Variants in ATRX observed in about 807,000 individuals in gnomAD.
The protein encoded by ATRX is ATRX chromatin remodeler.
ATRX carries 12 observed loss-of-function variants against 172.6 expected under a neutral mutation model. That is an observed-to-expected ratio of 0.07 (90% CI 0.04 to 0.11). The LOEUF is 0.11. ATRX is among the 10% of genes least tolerant of loss of function. ATRX has a pLI of 1.00. For missense variants in ATRX, 1,368 were observed against 1,767.4 expected (o/e 0.77, Z 4.05); for synonymous variants, 674 against 594.7 (o/e 1.13, Z -1.94).
intron 22 of ATRX, among the ~76,000 whole-genome samples, chrX:77,612,425 A>AG (rs1806488548): frequency 1.1e-5 from 1 of 94,073 alleles, no homozygotes; most frequent in African/African-American, 4.0e-5. Flanking sequence ...TTGGGGGGTG[A>AG]GGGGCAAGGG....
At chrX:77,546,786 G>A (rs2064259054) in intron 30 of ATRX, among the ~76,000 whole-genome samples, 1 of 111,905 alleles carries the variant, frequency 8.9e-6, no homozygotes, top group African/African-American at 3.2e-5. Context: ...GTCCGACTAG[G>A]AATCTGCATT....
chrX:77,780,371 G>A (rs782277764), intron 1 of ATRX, among the ~76,000 whole-genome samples: 23 of 110,372 alleles, frequency 2.1e-4, no homozygotes, highest in African/African-American at 6.2e-4. Context: ...TCACCCTGTC[G>A]CCCAGGCTGC....
intron 26 of ATRX, 126 bp from the exon 27 acceptor site, chrX:77,590,066 T>A: frequency 1.7e-6 from 1 of 586,387 alleles, no homozygotes; most frequent in Non-Finnish European, 2.8e-6. Flanking sequence ...TTGTAGAAAT[T>A]ACAAGGTGAT....
In ATRX at chrX:77,505,140, T is replaced by C. The variant is rs782657547; in HGVS notation, c.*3211A>G. 2 of 170,947 alleles carry C rather than the reference T, an allele frequency of 1.2e-5. No individual in the cohort carries two copies. Among genetic ancestry groups the C allele is most frequent in the Non-Finnish European group, 2.2e-5 (2 of 89,426 alleles). The allele number at this position is 170,947 out of a possible 1,213,427, so 14.1% of individuals were successfully genotyped here. Reference sequence around the variant, plus strand: ...TTAGTATAATAAACATGTAAAAGGATTGACCTGTTTTACTGGTAGAATAAG... The same window carrying C: ...TTAGTATAATAAACATGTAAAAGGACTGACCTGTTTTACTGGTAGAATAAG... On this transcript the variant is annotated 3_prime_UTR_variant, in exon 35 of 35. Coordinates refer to ENST00000373344, the MANE Select transcript of ATRX (RefSeq NM_000489.6).
At chrX:77,561,347 T>C (rs1475460649) in intron 28 of ATRX, among the ~76,000 whole-genome samples, 8 of 110,434 alleles carry the variant, frequency 7.2e-5, no homozygotes, top group African/African-American at 2.6e-4. Context: ...ACAACACACA[T>C]GAAACCTTAA....
intron 28 of ATRX, 123 bp downstream of exon 28, chrX:77,574,127 G>C: frequency 2.1e-6 from 1 of 477,090 alleles, no homozygotes; most frequent in Non-Finnish European, 3.6e-6. Flanking sequence ...ACACTGTTTT[G>C]CAACCTGACT....
intron 5 of ATRX, 87 bp downstream of exon 5, chrX:77,696,490 T>G (rs1381405665): frequency 3.1e-5 from 31 of 1,010,606 alleles, no homozygotes; most frequent in Non-Finnish European, 4.3e-5. Flanking sequence ...TTGTACATAG[T>G]TAACAGTAAT....
At chrX:77,637,934 C>A (rs1402988377) in intron 15 of ATRX, among the ~76,000 whole-genome samples, 7 of 45,753 alleles carry the variant, frequency 1.5e-4, no homozygotes, top group South Asian at 1.6e-3. Context: ...AGCAAAGCTC[C>A]ATCTCAAAAA....
chrX:77,591,796 T>C (rs193153857), intron 26 of ATRX, among the ~76,000 whole-genome samples: 17 of 112,167 alleles, frequency 1.5e-4, no homozygotes, highest in Admixed American at 1.5e-3. Flanking sequence ...TCTTGAAAGT[T>C]CCCGTAAGTG....
intron 1 of ATRX, among the ~76,000 whole-genome samples, chrX:77,738,194 C>T (rs1557180078): frequency 9.3e-6 from 1 of 107,747 alleles, no homozygotes; most frequent in African/African-American, 3.4e-5. Context: ...AATTAGCCGG[C>T]TGTGGTGGCA....
rs201853848 is a variant in ATRX at position 77,734,208 on chromosome X, AATACATACATAC to A, written c.21-16977_21-16966del. Among the ~76,000 whole-genome samples, 836 of 92,018 alleles carry A rather than the reference AATACATACATAC, an allele frequency of 9.1e-3. 11 individuals carry two copies. Among genetic ancestry groups the A allele is most frequent in the African/African-American group, 0.029 (748 of 25,818 alleles). The allele number at this position is 92,018 out of a possible 115,157, so 79.9% of individuals were successfully genotyped here. On this transcript the variant is annotated intron_variant, in intron 1 of 34. Transcript: ENST00000373344. ...GACAAAAGAGCAAGATTCTGTCTCA[AATACATACATAC>A]ATACATACATACATACATACATACA...
At chrX:77,766,805 T>C (rs1557196221) in intron 1 of ATRX, among the ~76,000 whole-genome samples, 2 of 105,832 alleles carry the variant, frequency 1.9e-5, no homozygotes, top group Admixed American at 9.9e-5. Flanking sequence ...CGCTCCTCAC[T>C]TCCCAGACGG....
At chrX:77,625,771 C>T (rs1271397092) in intron 19 of ATRX, among the ~76,000 whole-genome samples, 2 of 109,654 alleles carry the variant, frequency 1.8e-5, no homozygotes, top group African/African-American at 6.6e-5. Context: ...AATCAGGGAA[C>T]ACTTCTACAC....
rs61758732 is a variant in ATRX, at chrX:77,681,715, C to G, written c.3541G>C (p.Val1181Leu). The G allele has an allele frequency of 1.3e-3, 1,554 of 1,205,564 alleles. 3 individuals carry two copies. Among genetic ancestry groups the G allele is most frequent in the Non-Finnish European group, 1.1e-3 (1,024 of 894,030 alleles). ...AGGGAGTTTCTCTTTTTCTCCTTGA[C>G]AATGACTGCCTTCTTTTTAGATGAA... Reference protein sequence around the residue: ...RTSSKKKAVIVKEKKRNSLRT... With the variant: ...RTSSKKKAVILKEKKRNSLRT... Residue 1181 changes from valine (V) to leucine (L), a missense_variant, in exon 9 of 35, where the codon GTC becomes CTC. Physicochemically the swap from Val to Leu is conservative, Grantham distance 32. Coordinates refer to ENST00000373344, the MANE Select transcript of ATRX (RefSeq NM_000489.6).
rs1557107880 is a variant in ATRX at position 77,636,017 on chromosome X, T to C, written c.4597A>G (p.Ile1533Val). ...IEDASPTKCPITTKLVLDEDE... is the reference protein window; with the variant it reads ...IEDASPTKCPVTTKLVLDEDE... ...TCATCTAAAACCAACTTGGTTGTTA[T>C]TGGACACTTGGTGGGTGAAGCATCT... The change falls in exon 16 of 35, where the codon ATA (isoleucine) becomes GTA (valine). Residue 1533 changes from isoleucine (I) to valine (V), a missense_variant. Physicochemically the swap from Ile to Val is conservative, Grantham distance 29 (BLOSUM62 3). Coordinates refer to ENST00000373344, the MANE Select transcript of ATRX (RefSeq NM_000489.6). 2 of 1,210,423 alleles carry C rather than the reference T, an allele frequency of 1.7e-6. No individual in the cohort carries two copies. Among genetic ancestry groups the C allele is most frequent in the Admixed American group, 2.2e-5 (1 of 46,097 alleles).
intron 28 of ATRX, among the ~76,000 whole-genome samples, chrX:77,565,919 A>G (rs1458511335): frequency 9.0e-6 from 1 of 111,504 alleles, no homozygotes; most frequent in Non-Finnish European, 1.9e-5. Context: ...TGTTCAGTAG[A>G]AAGCAGAGAA....
chrX:77,560,974 T>C (rs1557061695), intron 28 of ATRX, among the ~76,000 whole-genome samples: 1 of 111,158 alleles, frequency 9.0e-6, no homozygotes, highest in Non-Finnish European at 1.9e-5. Flanking sequence ...CAAAATACTA[T>C]GTTATGCGGA....
At chrX:77,624,538 G>A (rs1557101809) in intron 19 of ATRX, among the ~76,000 whole-genome samples, 1 of 111,470 alleles carries the variant, frequency 9.0e-6, no homozygotes, top group Admixed American at 9.5e-5. Flanking sequence ...CCGGATACAA[G>A]ATTAATGTAC....
chrX:77,757,282 T>C (rs1438861403), intron 1 of ATRX, among the ~76,000 whole-genome samples: 1 of 111,497 alleles, frequency 9.0e-6, no homozygotes, highest in East Asian at 2.8e-4. Context: ...GCTGGGTAAA[T>C]TTCCCAAGGT....
Sources: allele counts gnomAD v4.1 joint callset (sites outside exome capture counted in the v4.1 genomes callset), GRCh38; gene constraint gnomAD v4.1.1; transcripts MANE v1.5; gene names NCBI Gene and HGNC (gene_info 2026-07-23, HGNC 2026-07-21).